PIEZO2: variants seen among roughly 807,000 people sequenced by gnomAD.
PIEZO2 encodes piezo type mechanosensitive ion channel component 2, also known as piezo-type mechanosensitive ion channel component 2.
PIEZO2 carries 172 observed loss-of-function variants against 337.3 expected under a neutral mutation model. That is an observed-to-expected ratio of 0.51 (90% confidence interval 0.45 to 0.58). The LOEUF (loss-of-function observed/expected upper bound fraction) is 0.58. Among genes scored for constraint, PIEZO2 ranks in the 20% least tolerant of loss-of-function variants. The pLI, the probability that PIEZO2 is intolerant of heterozygous loss-of-function variation, is 0.00. For synonymous variants in PIEZO2, 1,251 were observed against 1,228.5 expected, an observed-to-expected ratio of 1.02 and a Z score of -0.38; for missense variants, 3,028 against 3,391.3, an observed-to-expected ratio of 0.89 and a Z score of 2.66.
rs898862916 is a variant in PIEZO2, at chr18:10,872,302, A to G, written c.330-887T>C. Among the ~76,000 whole-genome samples, 3 of 152,210 alleles carry G rather than the reference A, an allele frequency of 2.0e-5. No homozygotes were observed. The highest frequency in any genetic ancestry group is 4.4e-5 in the Non-Finnish European group (3 of 68,042). The stretch of plus-strand genomic sequence containing the variant: ...AAACAAATATATTTAATAATATAGC[A>G]GGCAGCAAAGGCCAGAAGGTGAAGT... On this transcript the variant is annotated intron_variant, in intron 4 of 55. Coordinates refer to ENST00000674853, the MANE Select transcript of PIEZO2 (RefSeq NM_001378183.1). This position sits in a 1 kb window ranked among gnomAD's most constrained non-coding sequence, Gnocchi z 4.3.
At chr18:11,015,259 C>T (rs929247256) in intron 2 of PIEZO2, among the ~76,000 whole-genome samples, 1 of 151,778 alleles carries the variant, frequency 6.6e-6, no homozygotes, top group African/African-American at 2.4e-5. Flanking sequence ...CTGGGTGGGA[C>T]AGCAATCCAG....
chr18:10,733,659 A>T (rs1456030805), intron 35 of PIEZO2, among the ~76,000 whole-genome samples: 1 of 152,114 alleles, frequency 6.6e-6, no homozygotes, highest in Non-Finnish European at 1.5e-5. Flanking sequence ...TGTGTTAGCC[A>T]GGATGGTCTC....
At chr18:10,904,935 G>A (rs950778774) in intron 4 of PIEZO2, among the ~76,000 whole-genome samples, 4 of 152,188 alleles carry the variant, frequency 2.6e-5, no homozygotes, top group African/African-American at 7.2e-5. Flanking sequence ...TTCCATTCCT[G>A]TGATGTTTAT....
Position 10,724,688 on chromosome 18 carries a change from T to A in PIEZO2, c.5030-6429A>T, listed in dbSNP as rs1406475625. The A allele has an allele frequency of 6.3e-6, 7 of 1,108,772 alleles. No individual in the cohort carries two copies. The highest frequency in any genetic ancestry group is 9.2e-6 in the Non-Finnish European group (7 of 763,786). 68.7% of individuals were successfully genotyped at this position (1,108,772 alleles called of 1,614,324 possible). The stretch of plus-strand genomic sequence containing the variant: ...AGCCCACCTACCAGTCTGCTGTCCC[T>A]GCGTCATAGGCTGAAGCACTCAGAC... On this transcript the variant is annotated intron_variant, in intron 36 of 55. Transcript: ENST00000674853. This position sits in a 1 kb window ranked among gnomAD's most constrained non-coding sequence, Gnocchi z 5.8.
chr18:10,720,403 GTATGTGTA>G (rs138426881), intron 36 of PIEZO2, among the ~76,000 whole-genome samples: 848 of 16,748 alleles, frequency 0.051, 27 homozygotes, highest in Non-Finnish European at 0.06. Context: ...GTGTGTGTGT[GTATGTGTA>G]TGTGTATGTA....
chr18:10,967,260 A>G (rs555143709), intron 3 of PIEZO2, among the ~76,000 whole-genome samples: 4 of 151,608 alleles, frequency 2.6e-5, no homozygotes, highest in Non-Finnish European at 5.9e-5. Flanking sequence ...CTCATGATCC[A>G]CCTGCCTCGG....
At chr18:10,683,413 ATAAGGCAATGCACCC>A (rs1247081795) in intron 49 of PIEZO2, among the ~76,000 whole-genome samples, 2 of 152,244 alleles carry the variant, frequency 1.3e-5, no homozygotes, top group Non-Finnish European at 2.9e-5. Context: ...TTCAGTGTGC[ATAAGGCAATGCACCC>A]TATGGATCTG....
rs1411583407 is a variant in PIEZO2 at position 10,766,313 on chromosome 18, AAGGAGAAGTAGG to A, written c.2947-3227_2947-3216del. 9.9e-5 allele frequency among the ~76,000 whole-genome samples: 15 copies of A among 151,670 alleles called. No individual in the cohort carries two copies. The highest frequency in any genetic ancestry group is 1.2e-4 in the Non-Finnish European group (8 of 67,920). ...GGGAAGCAGAAAGGAGGGGAAGGGG[AAGGAGAAGTAGG>A]AGGAGAAGGAGGAGGAGGAGGACAA... On this transcript the variant is annotated intron_variant, in intron 21 of 55. Coordinates refer to ENST00000674853, the MANE Select transcript of PIEZO2 (RefSeq NM_001378183.1). The surrounding 1 kb of genome is among the most constrained non-coding windows in gnomAD (Gnocchi z 6.1).
rs535051695 is a variant in PIEZO2 at position 10,945,508 on chromosome 18, T to C, written c.286+34027A>G. On this transcript the variant is annotated intron_variant, in intron 3 of 55. Coordinates refer to ENST00000674853, the MANE Select transcript of PIEZO2 (RefSeq NM_001378183.1). The surrounding 1 kb of genome is among the most constrained non-coding windows in gnomAD (Gnocchi z 4.0). ...TGGTCTGGTCTTGCCTCACAAATGT[T>C]TAAACAAAACACCCCCAAGAGATCA... is the stretch of plus-strand genomic sequence containing the variant. 6.6e-6 allele frequency among the ~76,000 whole-genome samples: 1 copy of C among 152,250 alleles called. No individual in the cohort carries two copies. Among genetic ancestry groups the C allele is most frequent in the South Asian group, 2.1e-4 (1 of 4,818 alleles).
At chr18:11,051,345 A>ATG (rs144159846) in intron 2 of PIEZO2, among the ~76,000 whole-genome samples, 2,673 of 146,868 alleles carry the variant, frequency 0.018, 36 homozygotes, top group African/African-American at 0.022. Flanking sequence ...ATCACTTAGG[A>ATG]TGTGTGTGTG....
chr18:10,759,546 G>A lies in PIEZO2; in HGVS notation c.3693C>T (p.Asp1231=). The A allele has an allele frequency of 6.5e-7, 1 of 1,537,306 alleles. No individual in the cohort carries two copies. The highest frequency in any genetic ancestry group is 8.7e-7 in the Non-Finnish European group (1 of 1,146,928). The change falls in exon 26 of 56, where the codon GAC becomes GAT. Residue 1231 remains aspartate (D), a synonymous_variant. Transcript: ENST00000674853. This position sits in a 1 kb window ranked among gnomAD's most constrained non-coding sequence, Gnocchi z 5.5. ...PWRFKGASFN[D]NIIKWLYFPD... The stretch of plus-strand genomic sequence containing the variant: ...GGAAGTACAGCCACTTTATGATGTT[G>A]TCATTGAAGCTGGCACCCTTGAATC...
chr18:10,805,463 C>A (rs1414674414), intron 8 of PIEZO2, among the ~76,000 whole-genome samples: 1 of 152,056 alleles, frequency 6.6e-6, no homozygotes, highest in Non-Finnish European at 1.5e-5. Context: ...TTGTGGTGAC[C>A]CGAGATCATG....
Position 11,009,823 on chromosome 18 carries a change from G to A in PIEZO2, c.161-30163C>T, listed in dbSNP as rs113899062. Reference sequence around the variant, plus strand: ...CCGGTGTCCTTGTAAGAAGAGGAGAGTAGGACGCGGACAGGCACAGAAGGG... The same window carrying A: ...CCGGTGTCCTTGTAAGAAGAGGAGAATAGGACGCGGACAGGCACAGAAGGG... On this transcript the variant is annotated intron_variant, in intron 2 of 55. Coordinates refer to ENST00000674853, the MANE Select transcript of PIEZO2 (RefSeq NM_001378183.1). The surrounding 1 kb of genome is among the most constrained non-coding windows in gnomAD (Gnocchi z 4.6). Among the ~76,000 whole-genome samples, 1 of 152,030 alleles carries A rather than the reference G, an allele frequency of 6.6e-6. No individual in the cohort carries two copies. Among genetic ancestry groups the A allele is most frequent in the African/African-American group, 2.4e-5 (1 of 41,368 alleles).
Position 10,943,842 on chromosome 18 carries a change from G to A in PIEZO2, c.287-32614C>T, listed in dbSNP as rs1431315139. ...CCCGGTGGGAGATGACTGAATCATG[G>A]GAGCAAGTCTTTCCAGTGCTGTTCT... is the stretch of plus-strand genomic sequence containing the variant. On this transcript the variant is annotated intron_variant, in intron 3 of 55. Transcript: ENST00000674853. This position sits in a 1 kb window ranked among gnomAD's most constrained non-coding sequence, Gnocchi z 4.5. 6.6e-6 allele frequency among the ~76,000 whole-genome samples: 1 copy of A among 152,068 alleles called. No homozygotes were observed. The highest frequency in any genetic ancestry group is 2.4e-5 in the African/African-American group (1 of 41,400).
At chr18:11,130,097 C>T (rs1006970443) in intron 1 of PIEZO2, among the ~76,000 whole-genome samples, 1 of 152,264 alleles carries the variant, frequency 6.6e-6, no homozygotes, top group East Asian at 1.9e-4. Context: ...ATATCAAATC[C>T]CTGGAGGGAC....
intron 4 of PIEZO2, 25 bp from the exon 5 acceptor site, chr18:10,871,440 G>T (rs771390317): frequency 4.0e-6 from 6 of 1,512,006 alleles, no homozygotes; most frequent in Non-Finnish European, 4.4e-6. Context: ...CAAGGGGAGG[G>T]GAAAAAAATT....
At chr18:10,712,781 G>T (rs2035870571) in intron 39 of PIEZO2, among the ~76,000 whole-genome samples, 1 of 152,160 alleles carries the variant, frequency 6.6e-6, no homozygotes, top group Non-Finnish European at 1.5e-5. Context: ...GTTTTATGAT[G>T]ACACAGTTTT....
intron 23 of PIEZO2, among the ~76,000 whole-genome samples, chr18:10,762,158 T>C (rs1186342095): frequency 1.3e-5 from 2 of 152,230 alleles, no homozygotes; most frequent in Non-Finnish European, 1.5e-5. Flanking sequence ...GCACAGTGTT[T>C]TGAAATTTGC....
chr18:11,004,498 T>C (rs1439311390), intron 2 of PIEZO2, among the ~76,000 whole-genome samples: 1 of 152,128 alleles, frequency 6.6e-6, no homozygotes, highest in Non-Finnish European at 1.5e-5. Flanking sequence ...ATTCAGAACA[T>C]GAAAAGTATG....
Sources: gnomAD v4.1 joint callset for allele counts (sites outside exome capture counted in the v4.1 genomes callset) on GRCh38, gnomAD v4.1.1 for gene constraint, Gnocchi (gnomAD v3.1) non-coding constraint, MANE v1.5 for transcripts, NCBI Gene and HGNC (gene_info 2026-07-23, HGNC 2026-07-21) for gene names.